The following ACVR1C variants were observed in gnomAD, a reference collection of about 807,000 sequenced individuals.
ACVR1C encodes activin A receptor type 1C.
ACVR1C carries 23 observed loss-of-function variants against 57.9 expected under a neutral mutation model. That is an observed-to-expected ratio of 0.40 (90% CI 0.29 to 0.56). ACVR1C has a LOEUF of 0.56. Among genes scored for constraint, ACVR1C ranks in the 20% least tolerant of loss-of-function variants. The probability of loss-of-function intolerance (pLI) is 0.50; values close to 1 mark genes in which losing one functional copy is unlikely to be tolerated. For synonymous variants in ACVR1C, 214 were observed against 215.3 expected, an observed-to-expected ratio of 0.99 and a Z score of 0.05; for missense variants, 480 against 607.9, an observed-to-expected ratio of 0.79 and a Z score of 2.21.
chr2:157,581,980 C>T (rs1274277616), intron 2 of ACVR1C, among the ~76,000 whole-genome samples: 1 of 152,178 alleles, frequency 6.6e-6, no homozygotes, highest in African/African-American at 2.4e-5. Context: ...CTAGCTTCAT[C>T]ATCCAGTGCT....
At position 157,531,561 on chromosome 2, in the gene ACVR1C, T is replaced by C. The variant is rs1186770301; in HGVS notation, c.*2357A>G. ...AATAAGCATATTTACCCAACATAAG[T>C]AAATAAAACAGGAAATATCATTCTT... is the stretch of plus-strand genomic sequence containing the variant. On this transcript the variant is annotated 3_prime_UTR_variant, in exon 9 of 9. Transcript: ENST00000243349. The C allele has an allele frequency of 6.6e-6, 1 of 152,050 alleles. No individual in the cohort carries two copies. Among genetic ancestry groups the C allele is most frequent in the African/African-American group, 2.4e-5 (1 of 41,418 alleles). 9.4% of individuals were successfully genotyped at this position (152,050 alleles called of 1,614,324 possible).
intron 2 of ACVR1C, among the ~76,000 whole-genome samples, chr2:157,585,837 G>A (rs1463915757): frequency 2.6e-5 from 4 of 152,216 alleles, no homozygotes; most frequent in South Asian, 2.1e-4. Context: ...TAAAATCCAC[G>A]ACTGCAAGTA....
chr2:157,594,309 A>G (rs1383182177), intron 1 of ACVR1C, among the ~76,000 whole-genome samples: 1 of 152,092 alleles, frequency 6.6e-6, no homozygotes, highest in East Asian at 1.9e-4. Context: ...GAAGCAGGCT[A>G]GAAGACTTCT....
chr2:157,544,522 A>G lies in ACVR1C; in HGVS notation c.866T>C (p.Val289Ala), dbSNP rs1558970426. The G allele has an allele frequency of 1.2e-6, 2 of 1,614,020 alleles. No homozygotes were observed. The highest frequency in any genetic ancestry group is 8.5e-7 in the Non-Finnish European group (1 of 1,180,020). The change falls in exon 5 of 9, where the codon GTG (valine) becomes GCG (alanine). Residue 289 changes from valine (V) to alanine (A), a missense_variant. Transcript: ENST00000243349. ...YDYLNRNIVT[V>A]AGMIKLALSI... The stretch of plus-strand genomic sequence containing the variant: ...GAGCGCCAGCTTGATCATTCCAGCC[A>G]CGGTCACTATATTTCTATTCAAATA...
chr2:157,624,905 T>C (rs769312842), intron 1 of ACVR1C, among the ~76,000 whole-genome samples: 1 of 152,244 alleles, frequency 6.6e-6, no homozygotes, highest in African/African-American at 2.4e-5. Flanking sequence ...TTAATATACT[T>C]GTGTTCCATG....
intron 4 of ACVR1C, among the ~76,000 whole-genome samples, chr2:157,548,815 GA>G (rs1687834789): frequency 6.6e-6 from 1 of 152,170 alleles, no homozygotes; most frequent in South Asian, 2.1e-4. Context: ...GTGGCCTCAA[GA>G]TACAAATCAT....
At position 157,587,271 on chromosome 2, in the gene ACVR1C, A is replaced by C; in HGVS notation, c.220T>G (p.Phe74Val). 6.2e-7 allele frequency: 1 copy of C among 1,613,762 alleles called. No homozygotes were observed. Among genetic ancestry groups the C allele is most frequent in the Non-Finnish European group, 8.5e-7 (1 of 1,179,700 alleles). Reference sequence around the variant, plus strand: ...GTAACATTGTTGGAACTATGACAGAAGACTTGAGCATTCAGTTCTGGAAGG... The same window carrying C: ...GTAACATTGTTGGAACTATGACAGACGACTTGAGCATTCAGTTCTGGAAGG... ...VSLPELNAQV[F>V]CHSSNNVTKT... is the part of the protein sequence containing the mutation. The change falls in exon 2 of 9, where the codon TTC (phenylalanine) becomes GTC (valine). Residue 74 changes from phenylalanine to valine, a missense_variant. By Grantham distance (50) the Phe-to-Val change is conservative. Coordinates refer to ENST00000243349, the MANE Select transcript of ACVR1C (RefSeq NM_145259.3).
chr2:157,547,684 ATTTG>A (rs1195675049), intron 4 of ACVR1C, among the ~76,000 whole-genome samples: 1 of 139,994 alleles, frequency 7.1e-6, no homozygotes, highest in African/African-American at 2.7e-5. Flanking sequence ...TCTCTTGTAA[ATTTG>A]TTTGAGTTCA....
At chr2:157,565,857 A>G (rs890439923) in intron 2 of ACVR1C, among the ~76,000 whole-genome samples, 7 of 152,148 alleles carry the variant, frequency 4.6e-5, no homozygotes, top group Non-Finnish European at 7.3e-5. Context: ...GAGGCTGCAA[A>G]TCTTCTTTTA....
chr2:157,600,500 G>T (rs1682256588), intron 1 of ACVR1C, among the ~76,000 whole-genome samples: 1 of 152,092 alleles, frequency 6.6e-6, no homozygotes, highest in Non-Finnish European at 1.5e-5. Context: ...GATAGAAAAA[G>T]ACAGAACTAT....
Position 157,542,752 on chromosome 2 carries a change from G to A in ACVR1C, c.1054C>T (p.Leu352=), listed in dbSNP as rs55687582. The part of the protein sequence containing the change: ...LGLAVKHDSI[L]NTIDIPQNPK... ...TTCTGAGGTATGTCGATAGTGTTCAGTATTGAATCATGCTTCACAGCCAAC... is the reference window on the plus strand; with the variant it reads ...TTCTGAGGTATGTCGATAGTGTTCAATATTGAATCATGCTTCACAGCCAAC... Residue 352 remains leucine (L), a synonymous_variant, in exon 6 of 9, where the codon CTG becomes TTG. Transcript: ENST00000243349. 203 of 1,614,098 alleles carry A rather than the reference G, an allele frequency of 1.3e-4. No homozygotes were observed. In the Middle Eastern group the frequency reaches 4.6e-3, roughly 37 times the overall value.
At chr2:157,554,196 GAAGAGAGAAAGAAAGAAAGA>G (rs1687996005) in intron 3 of ACVR1C, among the ~76,000 whole-genome samples, 1 of 19,612 alleles carries the variant, frequency 5.1e-5, no homozygotes, top group African/African-American at 2.4e-4. Context: ...AAAAAATAAA[GAAGAGAGAAAGAAAGAAAGA>G]AAGAAAGAAA....
chr2:157,544,570 T>C lies in ACVR1C; in HGVS notation c.818A>G (p.His273Arg). The C allele has an allele frequency of 6.2e-7, 1 of 1,613,434 alleles. No homozygotes were observed. Among genetic ancestry groups the C allele is most frequent in the Non-Finnish European group, 8.5e-7 (1 of 1,179,684 alleles). ...WTQLWLVSEYHEQGSLYDYLN... is the reference protein window; with the variant it reads ...WTQLWLVSEYREQGSLYDYLN... ...ATAGTCATATAAGGAGCCCTGTTCA[T>C]GATATTCAGATACCAGCCAAAGTTG... Residue 273 changes from histidine (H) to arginine (R), a missense_variant, in exon 5 of 9, where the codon CAT becomes CGT. Physicochemically the swap from His to Arg is conservative, Grantham distance 29 (BLOSUM62 0). Coordinates refer to ENST00000243349, the MANE Select transcript of ACVR1C (RefSeq NM_145259.3).
rs186686953 is a variant in ACVR1C, at chr2:157,572,740, A to C, written c.304+14447T>G. Among the ~76,000 whole-genome samples, 245 of 152,288 alleles carry C rather than the reference A, an allele frequency of 1.6e-3. 1 individual carries two copies. The highest frequency in any genetic ancestry group is 5.8e-3 in the African/African-American group (239 of 41,564). On this transcript the variant is annotated intron_variant, in intron 2 of 8. Coordinates refer to ENST00000243349, the MANE Select transcript of ACVR1C (RefSeq NM_145259.3). ...GAAATGCCTCCTATATTAAACTTTAAAACACAAGTCTGACTTTTAGATGCT... is the reference window on the plus strand; with the variant it reads ...GAAATGCCTCCTATATTAAACTTTACAACACAAGTCTGACTTTTAGATGCT...
At chr2:157,599,220 G>A (rs1177279770) in intron 1 of ACVR1C, among the ~76,000 whole-genome samples, 1 of 147,840 alleles carries the variant, frequency 6.8e-6, no homozygotes. Flanking sequence ...TACAGTCCCA[G>A]GTACTCTGGA....
At chr2:157,553,507 A>G (rs1331659839) in intron 3 of ACVR1C, among the ~76,000 whole-genome samples, 1 of 152,184 alleles carries the variant, frequency 6.6e-6, no homozygotes, top group Non-Finnish European at 1.5e-5. Flanking sequence ...AAAATGTAAC[A>G]TTAATTTTTG....
At chr2:157,555,142 C>T (rs1451803358) in intron 3 of ACVR1C, among the ~76,000 whole-genome samples, 35 of 100,204 alleles carry the variant, frequency 3.5e-4, no homozygotes, top group Non-Finnish European at 4.8e-4. Flanking sequence ...GACGGAGTCT[C>T]GCTCTGTCAC....
At chr2:157,556,816 A>G (rs1297043190) in intron 2 of ACVR1C, among the ~76,000 whole-genome samples, 4 of 151,918 alleles carry the variant, frequency 2.6e-5, no homozygotes, top group Non-Finnish European at 5.9e-5. Flanking sequence ...GGTGCCCACC[A>G]CCATGCCCAG....
At chr2:157,624,780 C>T (rs1029230190) in intron 1 of ACVR1C, among the ~76,000 whole-genome samples, 1 of 152,080 alleles carries the variant, frequency 6.6e-6, no homozygotes, top group Admixed American at 6.5e-5. Flanking sequence ...AATAAAAGAG[C>T]CAGAAATACA....
Sources: gnomAD v4.1 joint callset for allele counts (sites outside exome capture counted in the v4.1 genomes callset) on GRCh38, gnomAD v4.1.1 for gene constraint, MANE v1.5 for transcripts, NCBI Gene and HGNC (gene_info 2026-07-23, HGNC 2026-07-21) for gene names.